Variants in EDA observed in about 807,000 individuals in gnomAD.
EDA encodes the protein ectodysplasin A.
In EDA, 2 loss-of-function variants were observed where a neutral mutation model predicts 23.6. The observed-to-expected ratio is 0.08, with a 90% CI of 0.03 to 0.27. The LOEUF (loss-of-function observed/expected upper bound fraction) is 0.27, where lower values mean the gene tolerates loss of function less well. Ranked by LOEUF, EDA falls within the 10% of genes least tolerant of loss-of-function variation. The pLI, the probability that EDA is intolerant of heterozygous loss-of-function variation, is 1.00. For missense variants in EDA, 229 were observed against 324.2 expected (o/e 0.71, Z 2.26); for synonymous variants, 131 against 132.0 (o/e 0.99, Z 0.05).
intron 1 of EDA, among the ~76,000 whole-genome samples, chrX:69,752,092 G>T (rs764050409): frequency 9.0e-6 from 1 of 110,949 alleles, no homozygotes; most frequent in East Asian, 2.8e-4. Flanking sequence ...TGATTGCCCT[G>T]GCCAGAACTT....
At chrX:69,891,930 T>TA (rs746324592) in intron 1 of EDA, among the ~76,000 whole-genome samples, 7 of 105,350 alleles carry the variant, frequency 6.6e-5, no homozygotes, top group East Asian at 3.0e-4. Flanking sequence ...AAGTTGGAAA[T>TA]AAAAAAAAAA....
Position 69,682,577 on chromosome X carries a change from C to T in EDA, c.396+65873C>T, listed in dbSNP as rs1472756549. 2.7e-5 allele frequency among the ~76,000 whole-genome samples: 3 copies of T among 111,963 alleles called. No homozygotes were observed. In the Admixed American group the frequency reaches 2.8e-4, roughly 11 times the overall value. On this transcript the variant is annotated intron_variant, in intron 1 of 7. Coordinates refer to ENST00000374552, the MANE Select transcript of EDA (RefSeq NM_001399.5). Reference sequence around the variant, plus strand: ...GCGCAGTATTCGGGTGGGAGTGACCCGATTTTCCAGGTGCCGTCTGTCACT... The same window carrying T: ...GCGCAGTATTCGGGTGGGAGTGACCTGATTTTCCAGGTGCCGTCTGTCACT...
At chrX:69,748,357 G>C (rs766624315) in intron 1 of EDA, among the ~76,000 whole-genome samples, 15 of 111,030 alleles carry the variant, frequency 1.4e-4, no homozygotes, top group Non-Finnish European at 2.3e-4. Flanking sequence ...ATTTGATAAA[G>C]GGATGAGAAA....
chrX:69,819,639 G>A (rs954706724), intron 1 of EDA, among the ~76,000 whole-genome samples: 1 of 111,202 alleles, frequency 9.0e-6, no homozygotes, highest in African/African-American at 3.3e-5. Context: ...GCTACAAAAG[G>A]AATAAAATGC....
At chrX:69,826,774 G>T in intron 1 of EDA, among the ~76,000 whole-genome samples, 1 of 109,705 alleles carries the variant, frequency 9.1e-6, no homozygotes, top group South Asian at 4.1e-4. Context: ...CTTGTTAGTT[G>T]ATGCAGTTTC....
At chrX:69,655,788 T>TATATATATATATATATATG in intron 1 of EDA, among the ~76,000 whole-genome samples, 1 of 40,482 alleles carries the variant, frequency 2.5e-5, no homozygotes, top group African/African-American at 2.2e-4. Context: ...ATATATATAT[T>TATATATATATATATATATG]GCACTTTGTG....
At chrX:70,012,776 C>T (rs1329965701) in intron 2 of EDA, among the ~76,000 whole-genome samples, 2 of 110,852 alleles carry the variant, frequency 1.8e-5, no homozygotes, top group East Asian at 2.9e-4. Flanking sequence ...CTGTTTTCCA[C>T]GTGGATCTGT....
At chrX:69,783,412 T>G (rs2015021236) in intron 1 of EDA, among the ~76,000 whole-genome samples, 1 of 108,966 alleles carries the variant, frequency 9.2e-6, no homozygotes, top group African/African-American at 3.4e-5. Context: ...GCATTAGGTG[T>G]ATCTCCTAAT....
chrX:69,837,474 C>T (rs1243282152), intron 1 of EDA, among the ~76,000 whole-genome samples: 1 of 112,297 alleles, frequency 8.9e-6, no homozygotes, highest in African/African-American at 3.2e-5. Context: ...AATGAAGGCT[C>T]ATAAAAACAA....
chrX:69,668,400 C>A (rs1933761009), intron 1 of EDA, among the ~76,000 whole-genome samples: 1 of 111,692 alleles, frequency 9.0e-6, no homozygotes, highest in Admixed American at 9.5e-5. Context: ...GGAGAATGTT[C>A]CATGTGCATT....
At chrX:69,728,019 C>G (rs189136123) in intron 1 of EDA, among the ~76,000 whole-genome samples, 1 of 110,267 alleles carries the variant, frequency 9.1e-6, no homozygotes, top group Non-Finnish European at 1.9e-5. Flanking sequence ...CGGAGGTGGG[C>G]GGATCACTTG....
At chrX:69,874,839 A>G (rs2017619290) in intron 1 of EDA, among the ~76,000 whole-genome samples, 1 of 112,155 alleles carries the variant, frequency 8.9e-6, no homozygotes, top group Admixed American at 9.5e-5. Flanking sequence ...CTATACACCA[A>G]CAGCAGCCAA....
rs2011301032 is a variant in EDA, at chrX:69,695,451, CAT to C, written c.396+78749_396+78750del. Among the ~76,000 whole-genome samples the C allele has an allele frequency of 2.7e-5, 3 of 109,249 alleles. No homozygotes were observed. In the Admixed American group the frequency reaches 2.9e-4, roughly 11 times the overall value. 94.9% of individuals were successfully genotyped at this position (109,249 alleles called of 115,157 possible). On this transcript the variant is annotated intron_variant, in intron 1 of 7. Transcript: ENST00000374552. ...AGACTTTAAAAGGCAAATATAGAAA[CAT>C]AGTTGTAGAAAAATCCTTGGCTGTT...
Position 69,676,430 on chromosome X carries a change from G to C in EDA, c.396+59726G>C, listed in dbSNP as rs371522999. ...TGAACGTGGCATGTGAGAGGAAACA[G>C]GGAAGTCAAGGATGTCTTTGAGATT... On this transcript the variant is annotated intron_variant, in intron 1 of 7. Transcript: ENST00000374552. 2.8e-4 allele frequency among the ~76,000 whole-genome samples: 31 copies of C among 111,313 alleles called. No individual in the cohort carries two copies. In the East Asian group the frequency reaches 8.0e-3, roughly 29 times the overall value.
chrX:69,930,836 G>A (rs1159901268), intron 1 of EDA, among the ~76,000 whole-genome samples: 1 of 111,140 alleles, frequency 9.0e-6, no homozygotes, highest in Admixed American at 9.6e-5. Context: ...ACAGGATACA[G>A]GGTCATTATT....
At chrX:69,973,440 A>C (rs746491122) in intron 2 of EDA, among the ~76,000 whole-genome samples, 49 of 111,947 alleles carry the variant, frequency 4.4e-4, no homozygotes, top group African/African-American at 1.5e-3. Flanking sequence ...AGTCCAGTAG[A>C]GCAAACAAAG....
rs112534905 is a variant in EDA at position 69,701,907 on chromosome X, A to C, written c.396+85203A>C. 5.4e-3 allele frequency among the ~76,000 whole-genome samples: 601 copies of C among 110,996 alleles called. 7 individuals carry two copies. The highest frequency in any genetic ancestry group is 0.018 in the African/African-American group (562 of 30,521). On this transcript the variant is annotated intron_variant, in intron 1 of 7. Coordinates refer to ENST00000374552, the MANE Select transcript of EDA (RefSeq NM_001399.5). ...GGTTGGGGACTACCTCTGCGCCAGT[A>C]GGCTGGGCAGGAGCTTGGTGATGAA...
chrX:69,679,772 C>T (rs1485462281), intron 1 of EDA, among the ~76,000 whole-genome samples: 1 of 111,067 alleles, frequency 9.0e-6, no homozygotes, highest in Non-Finnish European at 1.9e-5. Context: ...AAAAACCCAG[C>T]TCCTGGATTC....
intron 1 of EDA, among the ~76,000 whole-genome samples, chrX:69,623,031 TTATTC>T (rs1218013871): frequency 4.5e-5 from 5 of 112,168 alleles, no homozygotes; most frequent in African/African-American, 1.6e-4. Flanking sequence ...TCTGAACTGT[TTATTC>T]TATTCTGTTG....
Sources: gnomAD v4.1 joint callset for allele counts (sites outside exome capture counted in the v4.1 genomes callset) on GRCh38, gnomAD v4.1.1 for gene constraint, MANE v1.5 for transcripts, NCBI Gene and HGNC (gene_info 2026-07-23, HGNC 2026-07-21) for gene names.